MTUS2: variants seen among roughly 807,000 people sequenced by gnomAD.
MTUS2 encodes microtubule-associated tumor suppressor candidate 2.
MTUS2 carries 40 observed loss-of-function variants against 114.1 expected under a neutral mutation model. The ratio of observed to expected loss-of-function variants is 0.35; its 90% CI spans 0.27 to 0.46. MTUS2 has a LOEUF of 0.46. MTUS2 is among the 20% of genes least tolerant of loss of function. MTUS2 has a pLI of 1.00. For missense variants in MTUS2, 1,679 were observed against 1,705.4 expected (o/e 0.98, Z 0.27); for synonymous variants, 688 against 672.0 (o/e 1.02, Z -0.37).
chr13:28,905,180 T>A (rs915899596), intron 2 of MTUS2, among the ~76,000 whole-genome samples: 3 of 151,604 alleles, frequency 2.0e-5, no homozygotes, highest in Admixed American at 6.6e-5. Context: ...TTTCTAGATA[T>A]ACAATCATGT....
At position 29,196,605 on chromosome 13, in the gene MTUS2, A is replaced by C. The variant is rs149432904; in HGVS notation, c.2645-85099A>C. Among the ~76,000 whole-genome samples, 59 of 152,250 alleles carry C rather than the reference A, an allele frequency of 3.9e-4. No homozygotes were observed. In the East Asian group the frequency reaches 0.01, roughly 27 times the overall value. On this transcript the variant is annotated intron_variant, in intron 5 of 15. Coordinates refer to ENST00000612955, the MANE Select transcript of MTUS2 (RefSeq NM_001033602.4). Reference sequence around the variant, plus strand: ...GCAGAACTGAAACCTTTTACACATGAAACACTAACCTTTCATTGCCTCCTC... The same window carrying C: ...GCAGAACTGAAACCTTTTACACATGCAACACTAACCTTTCATTGCCTCCTC...
intron 9 of MTUS2, among the ~76,000 whole-genome samples, chr13:29,450,036 C>T (rs77813226): frequency 0.05 from 7,656 of 152,250 alleles, 221 homozygotes; most frequent in South Asian, 0.065. Context: ...TGATGCCCCC[C>T]GACCACGGTG....
At chr13:29,357,802 G>T (rs1262788822) in intron 7 of MTUS2, among the ~76,000 whole-genome samples, 2 of 152,214 alleles carry the variant, frequency 1.3e-5, no homozygotes, top group Non-Finnish European at 2.9e-5. Context: ...TATGCCATAT[G>T]TGAGGTTACA....
intron 5 of MTUS2, among the ~76,000 whole-genome samples, chr13:29,206,279 T>A (rs1895181156): frequency 6.6e-6 from 1 of 152,232 alleles, no homozygotes; most frequent in Non-Finnish European, 1.5e-5. Flanking sequence ...TCTTGCTGAT[T>A]TGAGTTTCTC....
intron 5 of MTUS2, among the ~76,000 whole-genome samples, chr13:29,134,089 A>AT (rs907437347): frequency 1.4e-4 from 21 of 151,264 alleles, no homozygotes; most frequent in Admixed American, 2.0e-4. Flanking sequence ...TTGTATTTTT[A>AT]TTTTTTTTGT....
chr13:28,852,506 C>T (rs563746963), intron 2 of MTUS2, among the ~76,000 whole-genome samples: 1 of 152,232 alleles, frequency 6.6e-6, no homozygotes, highest in South Asian at 2.1e-4. Context: ...TCTTCCAGGA[C>T]TCTATTTTGA....
At chr13:28,829,779 T>C (rs1335285632) in intron 1 of MTUS2, among the ~76,000 whole-genome samples, 1 of 152,208 alleles carries the variant, frequency 6.6e-6, no homozygotes, top group Non-Finnish European at 1.5e-5. Context: ...AACAAGAGGT[T>C]AACCAAAAAA....
intron 4 of MTUS2, among the ~76,000 whole-genome samples, chr13:29,070,485 A>G (rs2475551): frequency 0.58 from 87,359 of 151,866 alleles, 25,427 homozygotes; most frequent in Non-Finnish European, 0.61. Context: ...AAACGGTAAC[A>G]CCAGTTGGGT....
chr13:29,459,328 A>C (rs970769830), intron 9 of MTUS2, among the ~76,000 whole-genome samples: 1 of 152,202 alleles, frequency 6.6e-6, no homozygotes, highest in Non-Finnish European at 1.5e-5. Flanking sequence ...GGGAGTCATC[A>C]TCAGCTCTCT....
At chr13:29,313,940 G>C (rs1022546500) in intron 6 of MTUS2, among the ~76,000 whole-genome samples, 1 of 152,080 alleles carries the variant, frequency 6.6e-6, no homozygotes, top group Non-Finnish European at 1.5e-5. Flanking sequence ...CATGTGCCAC[G>C]TTAAAATTCC....
chr13:29,286,027 G>T (rs1327502921), intron 6 of MTUS2, among the ~76,000 whole-genome samples: 1 of 152,162 alleles, frequency 6.6e-6, no homozygotes, highest in South Asian at 2.1e-4. Flanking sequence ...CTGCTTTCAA[G>T]TGATTCTCCT....
intron 3 of MTUS2, among the ~76,000 whole-genome samples, chr13:29,029,691 C>A (rs998167423): frequency 6.6e-6 from 1 of 152,164 alleles, no homozygotes; most frequent in African/African-American, 2.4e-5. Flanking sequence ...TATGGTGAGG[C>A]CTCAGGCTGC....
chr13:29,433,310 C>T (rs1055356650), intron 8 of MTUS2, among the ~76,000 whole-genome samples: 5 of 152,126 alleles, frequency 3.3e-5, no homozygotes, highest in Non-Finnish European at 7.4e-5. Context: ...TGACTTTGCT[C>T]GTTTTTCATA....
chr13:28,977,280 G>T (rs1429333932), intron 2 of MTUS2, among the ~76,000 whole-genome samples: 3 of 152,070 alleles, frequency 2.0e-5, no homozygotes, highest in Non-Finnish European at 4.4e-5. Context: ...TTATTTTAAG[G>T]TATTTCAACC....
intron 2 of MTUS2, among the ~76,000 whole-genome samples, chr13:28,909,405 C>T (rs530286833): frequency 3.3e-5 from 5 of 152,180 alleles, no homozygotes; most frequent in South Asian, 2.1e-4. Flanking sequence ...AGGTCCTTCA[C>T]GTCCCTTGTA....
chr13:28,827,981 C>T (rs899786116), intron 1 of MTUS2, among the ~76,000 whole-genome samples: 7 of 152,126 alleles, frequency 4.6e-5, no homozygotes, highest in Non-Finnish European at 8.8e-5. Context: ...TGAGAGCAGA[C>T]AACTAGTCTG....
At chr13:29,141,525 A>G (rs1892219850) in intron 5 of MTUS2, among the ~76,000 whole-genome samples, 1 of 152,180 alleles carries the variant, frequency 6.6e-6, no homozygotes, top group Non-Finnish European at 1.5e-5. Context: ...GGGTCATAGA[A>G]GTCTAACCTC....
At chr13:29,010,218 A>AC (rs1185211646) in intron 2 of MTUS2, among the ~76,000 whole-genome samples, 1 of 151,722 alleles carries the variant, frequency 6.6e-6, no homozygotes, top group East Asian at 1.9e-4. Context: ...CTCAAAAAAA[A>AC]AAAAAAAAGC....
At chr13:28,870,317 G>T (rs939181165) in intron 2 of MTUS2, among the ~76,000 whole-genome samples, 4 of 152,148 alleles carry the variant, frequency 2.6e-5, no homozygotes, top group African/African-American at 7.2e-5. Context: ...TACTGTTTCA[G>T]TAGTAAAACA....
Sources: allele counts gnomAD v4.1 joint callset (sites outside exome capture counted in the v4.1 genomes callset), GRCh38; gene constraint gnomAD v4.1.1; transcripts MANE v1.5; gene names NCBI Gene and HGNC (gene_info 2026-07-23, HGNC 2026-07-21).